The following TPO variants were observed in gnomAD, a reference collection of about 807,000 sequenced individuals.
The protein encoded by TPO is thyroid peroxidase.
Under a neutral mutation model 96.9 loss-of-function variants are expected in TPO, and 78 were observed. The observed-to-expected ratio is 0.81, with a 90% CI of 0.67 to 0.97. The LOEUF is 0.97. TPO is among the 50% of genes least tolerant of loss of function. TPO has a pLI of 0.00. For missense variants in TPO, 1,252 were observed against 1,274.8 expected, an observed-to-expected ratio of 0.98 and a Z score of 0.27; for synonymous variants, 547 against 538.0, an observed-to-expected ratio of 1.02 and a Z score of -0.23.
At chr2:1,528,565 C>T (rs1677174215) in intron 15 of TPO, among the ~76,000 whole-genome samples, 1 of 147,548 alleles carries the variant, frequency 6.8e-6, no homozygotes, top group Non-Finnish European at 1.5e-5. Flanking sequence ...TTGCAAACTC[C>T]CCAAATCGCC....
chr2:1,418,451 A>G (rs2361767), intron 2 of TPO, among the ~76,000 whole-genome samples: 35,072 of 152,058 alleles, frequency 0.23, 4,263 homozygotes, highest in Admixed American at 0.34. Flanking sequence ...CTTGTTCCAG[A>G]GCAGGATCCC....
chr2:1,405,467 C>A (rs577488236), intron 1 of TPO, among the ~76,000 whole-genome samples: 4 of 151,972 alleles, frequency 2.6e-5, no homozygotes, highest in African/African-American at 9.7e-5. Flanking sequence ...ATCCACTGAT[C>A]AGTTTCTCCA....
At chr2:1,507,516 G>A (rs1160734745) in intron 14 of TPO, among the ~76,000 whole-genome samples, 7 of 152,228 alleles carry the variant, frequency 4.6e-5, no homozygotes, top group Non-Finnish European at 1.0e-4. Flanking sequence ...CTACCCATGA[G>A]CATGGAATGT....
chr2:1,536,155 G>C (rs566874830), intron 15 of TPO, among the ~76,000 whole-genome samples: 2 of 14,808 alleles, frequency 1.4e-4, no homozygotes, highest in Admixed American at 1.3e-3. Context: ...CAACCTCCCC[G>C]TTCCCCCCAA....
At chr2:1,515,911 T>C (rs1394950802) in intron 14 of TPO, among the ~76,000 whole-genome samples, 2 of 151,860 alleles carry the variant, frequency 1.3e-5, no homozygotes, top group East Asian at 3.9e-4. Flanking sequence ...AAAAAAACGC[T>C]GATTGGTAGT....
chr2:1,447,216 T>G (rs2148554271), intron 5 of TPO, among the ~76,000 whole-genome samples: 1 of 152,254 alleles, frequency 6.6e-6, no homozygotes, highest in Non-Finnish European at 1.5e-5. Flanking sequence ...ACATTTACAG[T>G]CTCTTCTCTC....
chr2:1,475,414 C>CTT (rs1298025325), intron 7 of TPO, among the ~76,000 whole-genome samples: 1 of 145,322 alleles, frequency 6.9e-6, no homozygotes, highest in Non-Finnish European at 1.5e-5. Flanking sequence ...AGTGGAAGCG[C>CTT]TTTTTTTTTT....
chr2:1,533,459 C>A (rs1678830081), intron 15 of TPO, among the ~76,000 whole-genome samples: 1 of 74,678 alleles, frequency 1.3e-5, no homozygotes, highest in Non-Finnish European at 2.6e-5. Context: ...CCACTGTGTG[C>A]AACCTCCCCA....
intron 15 of TPO, among the ~76,000 whole-genome samples, chr2:1,530,035 C>G (rs1677708063): frequency 6.8e-6 from 1 of 147,488 alleles, no homozygotes; most frequent in African/African-American, 2.6e-5. Flanking sequence ...CCAAATCACC[C>G]CCACTCTCTG....
intron 4 of TPO, 147 bp downstream of exon 4, chr2:1,433,754 CA>C: frequency 1.1e-6 from 1 of 925,754 alleles, no homozygotes; most frequent in Non-Finnish European, 1.6e-6. Flanking sequence ...ATACAAGCTG[CA>C]ATTTTTAAAA....
At chr2:1,531,249 TTCC>T (rs1678142003) in intron 15 of TPO, among the ~76,000 whole-genome samples, 4 of 94,522 alleles carry the variant, frequency 4.2e-5, no homozygotes, top group African/African-American at 4.3e-5. Context: ...CCGCCTCATA[TTCC>T]CCCCACTGTG....
At chr2:1,388,713 C>G in intron 1 of TPO, among the ~76,000 whole-genome samples, 1 of 152,192 alleles carries the variant, frequency 6.6e-6, no homozygotes, top group East Asian at 1.9e-4. Context: ...GCTGCATGCA[C>G]TGTCCTGCAC....
At chr2:1,500,419 C>T (rs560349025) in intron 13 of TPO, among the ~76,000 whole-genome samples, 9 of 152,130 alleles carry the variant, frequency 5.9e-5, no homozygotes, top group Non-Finnish European at 1.3e-4. Flanking sequence ...GTTCCCTGCA[C>T]TAGAAGTTTC....
intron 15 of TPO, among the ~76,000 whole-genome samples, chr2:1,530,447 T>A (rs1296858326): frequency 7.1e-6 from 1 of 141,744 alleles, no homozygotes; most frequent in Non-Finnish European, 1.5e-5. Context: ...GTGTGCAACC[T>A]CCCGAAATCC....
chr2:1,433,290 T>A, intron 3 of TPO, 148 bp from the exon 4 acceptor site: 1 of 939,536 alleles, frequency 1.1e-6, no homozygotes. Context: ...CAACTGCACA[T>A]GTTTTACCTG....
At chr2:1,517,326 A>T (rs888301810) in intron 15 of TPO, among the ~76,000 whole-genome samples, 3 of 152,222 alleles carry the variant, frequency 2.0e-5, no homozygotes, top group Non-Finnish European at 4.4e-5. Flanking sequence ...CAGAGAAAAA[A>T]GGTCATCCAT....
Position 1,493,855 on chromosome 2 carries a change from G to A in TPO, c.1822G>A (p.Asp608Asn). The A allele has an allele frequency of 6.2e-7, 1 of 1,614,162 alleles. No individual in the cohort carries two copies. The highest frequency in any genetic ancestry group is 8.5e-7 in the Non-Finnish European group (1 of 1,180,028). Reference protein sequence around the residue: ...CGLPRLETPADLSTAIASRSV... With the variant: ...CGLPRLETPANLSTAIASRSV... ...CCTGCCTCGCCTGGAGACCCCCGCT[G>A]ACCTGAGCACAGCCATCGCCAGCAG... The change falls in exon 11 of 17, where the codon GAC becomes AAC. Residue 608 changes from aspartate (D) to asparagine (N), a missense_variant. Coordinates refer to ENST00000329066, the MANE Select transcript of TPO (RefSeq NM_001206744.2).
upstream of TPO, among the ~76,000 whole-genome samples, chr2:1,410,495 G>A (rs1395423496): frequency 6.6e-6 from 1 of 152,240 alleles, no homozygotes; most frequent in African/African-American, 2.4e-5. Flanking sequence ...TCTGTGGACA[G>A]AACACACGAT....
upstream of TPO, among the ~76,000 whole-genome samples, chr2:1,411,072 C>T (rs1271135557): frequency 3.3e-5 from 5 of 152,090 alleles, no homozygotes; most frequent in Non-Finnish European, 5.9e-5. Context: ...CTTCCCAAGT[C>T]CCCCGTCTTC....
Sources: allele counts gnomAD v4.1 joint callset (sites outside exome capture counted in the v4.1 genomes callset), GRCh38; gene constraint gnomAD v4.1.1; transcripts MANE v1.5; gene names NCBI Gene and HGNC (gene_info 2026-07-23, HGNC 2026-07-21).